The following NR3C1 variants were observed in gnomAD, a reference collection of about 807,000 sequenced individuals.
NR3C1 encodes the protein glucocorticoid receptor.
Under a neutral mutation model 74.0 loss-of-function variants are expected in NR3C1, and 14 were observed. The ratio of observed to expected loss-of-function variants is 0.19; its 90% CI spans 0.12 to 0.30. The LOEUF (loss-of-function observed/expected upper bound fraction) is 0.30, where lower values mean the gene tolerates loss of function less well. Among genes scored for constraint, NR3C1 ranks in the 10% least tolerant of loss-of-function variants. The pLI is 1.00. For synonymous variants in NR3C1, 308 were observed against 332.5 expected (o/e 0.93, Z 0.80); for missense variants, 695 against 909.8 (o/e 0.76, Z 3.04).
chr5:143,298,870 G>A (rs939478489), intron 5 of NR3C1, 58 bp from the exon 6 acceptor site: 2 of 1,578,604 alleles, frequency 1.3e-6, no homozygotes, highest in Non-Finnish European at 1.7e-6. Context: ...ATCTCTGTGG[G>A]AATTGCCAAG....
rs1812761036 is a variant in NR3C1, at chr5:143,279,295, G to A, written c.*2594C>T. ...CATCAGTTGACTTATTATTGACAAC[G>A]AAGTGCACATAATCTTCTTTTTCTC... On this transcript the variant is annotated 3_prime_UTR_variant, in exon 9 of 9. Coordinates refer to ENST00000394464, the MANE Select transcript of NR3C1 (RefSeq NM_000176.3). 6.6e-6 allele frequency: 10 copies of A among 1,515,822 alleles called. No homozygotes were observed. Among genetic ancestry groups the A allele is most frequent in the South Asian group, 2.6e-5 (2 of 77,600 alleles). 93.9% of individuals were successfully genotyped at this position (1,515,822 alleles called of 1,614,324 possible). A position where few individuals can be genotyped will look rare whatever the true frequency, so the allele number is the denominator to read the frequency against.
intron 2 of NR3C1, chr5:143,389,982 A>G (rs1276097485): frequency 2.1e-6 from 2 of 933,536 alleles, no homozygotes; most frequent in East Asian, 1.2e-4. Flanking sequence ...GTTTGCTTTT[A>G]GTACAATTCT....
intron 2 of NR3C1, among the ~76,000 whole-genome samples, chr5:143,328,207 G>A (rs944734859): frequency 7.2e-5 from 11 of 152,204 alleles, no homozygotes; most frequent in South Asian, 2.1e-4. Flanking sequence ...GCAATGGTGC[G>A]AGCTGTAACT....
chr5:143,392,008 C>T lies in NR3C1; in HGVS notation c.1184+7648G>A, dbSNP rs539511901. Reference sequence around the variant, plus strand: ...TGAGACGGAGACTCGCTCTGTCGCCCAGGCTGGAGTGCAGTGGTGCAACCT... The same window carrying T: ...TGAGACGGAGACTCGCTCTGTCGCCTAGGCTGGAGTGCAGTGGTGCAACCT... On this transcript the variant is annotated intron_variant, in intron 2 of 8. Coordinates refer to ENST00000394464, the MANE Select transcript of NR3C1 (RefSeq NM_000176.3). 8.6e-4 allele frequency among the ~76,000 whole-genome samples: 131 copies of T among 152,018 alleles called. 1 individual carries two copies. The highest frequency in any genetic ancestry group is 2.2e-3 in the Admixed American group (33 of 15,278).
At chr5:143,294,849 A>G (rs1433647980) in intron 7 of NR3C1, 3 of 838,934 alleles carry the variant, frequency 3.6e-6, no homozygotes, top group Non-Finnish European at 4.3e-6. Context: ...ATAGTATTCC[A>G]TCATCTGGAT....
chr5:143,349,737 G>T (rs564331020), intron 2 of NR3C1, among the ~76,000 whole-genome samples: 1 of 152,118 alleles, frequency 6.6e-6, no homozygotes, highest in African/African-American at 2.4e-5. Flanking sequence ...TAGGCACTGG[G>T]GTATACCACA....
intron 4 of NR3C1, among the ~76,000 whole-genome samples, chr5:143,301,870 T>A (rs1374891668): frequency 2.6e-5 from 4 of 152,102 alleles, no homozygotes; most frequent in Non-Finnish European, 4.4e-5. Context: ...GTGGGAACGA[T>A]ATCTCAATGT....
chr5:143,435,361 T>C, exon 1 of NR3C1: 13 of 985,496 alleles, frequency 1.3e-5, no homozygotes, highest in Non-Finnish European at 1.6e-5. Context: ...CTCTGCCATT[T>C]AAAGAAGCGT....
chr5:143,388,186 G>C (rs942325460), intron 2 of NR3C1, among the ~76,000 whole-genome samples: 1 of 152,130 alleles, frequency 6.6e-6, no homozygotes, highest in Non-Finnish European at 1.5e-5. Context: ...AATCCATTTC[G>C]AAGTCTTAAA....
At chr5:143,403,187 GCC>G in intron 1 of NR3C1, 22 bp downstream of exon 1, 1 of 984,886 alleles carries the variant, frequency 1.0e-6, no homozygotes, top group Non-Finnish European at 1.2e-6. Context: ...GCGCGCCCCG[GCC>G]CCCTCCCGCC....
intron 2 of NR3C1, among the ~76,000 whole-genome samples, chr5:143,336,996 T>C (rs1561602435): frequency 6.6e-6 from 1 of 151,866 alleles, no homozygotes; most frequent in Non-Finnish European, 1.5e-5. Flanking sequence ...CATACATACA[T>C]ATACATATAT....
chr5:143,392,004 C>T (rs1254583274), intron 2 of NR3C1, among the ~76,000 whole-genome samples: 2 of 151,476 alleles, frequency 1.3e-5, no homozygotes, highest in Non-Finnish European at 2.9e-5. Flanking sequence ...CTCGCTCTGT[C>T]GCCCAGGCTG....
At chr5:143,368,116 G>A (rs1046253659) in intron 2 of NR3C1, among the ~76,000 whole-genome samples, 2 of 152,124 alleles carry the variant, frequency 1.3e-5, no homozygotes, top group South Asian at 2.1e-4. Context: ...ATTTCAACAA[G>A]GTATCAAGAC....
upstream of NR3C1, chr5:143,406,828 A>G (rs1841129866): frequency 6.6e-6 from 1 of 152,226 alleles, no homozygotes; most frequent in Non-Finnish European, 1.5e-5. Context: ...GACTACTTAC[A>G]ATATGTGCTT....
intron 2 of NR3C1, among the ~76,000 whole-genome samples, chr5:143,360,329 T>C (rs1279324221): frequency 6.6e-6 from 1 of 152,250 alleles, no homozygotes; most frequent in East Asian, 1.9e-4. Flanking sequence ...TTAAACTATG[T>C]TTACATTTTT....
At chr5:143,394,478 T>C (rs1296515074) in intron 2 of NR3C1, among the ~76,000 whole-genome samples, 1 of 151,902 alleles carries the variant, frequency 6.6e-6, no homozygotes, top group African/African-American at 2.4e-5. Context: ...CAGTTGACAA[T>C]GGCTGTAAAA....
At chr5:143,342,168 A>T (rs938665789) in intron 2 of NR3C1, among the ~76,000 whole-genome samples, 3 of 152,224 alleles carry the variant, frequency 2.0e-5, no homozygotes, top group African/African-American at 7.2e-5. Flanking sequence ...TTAAGAATTA[A>T]AATTTCTTTC....
chr5:143,429,964 C>T (rs1416339131), intron 1 of NR3C1, among the ~76,000 whole-genome samples: 1 of 151,854 alleles, frequency 6.6e-6, no homozygotes, highest in Admixed American at 6.6e-5. Flanking sequence ...GGCCTGTAAT[C>T]CCTGTTACTC....
chr5:143,371,596 G>A (rs1834241033), intron 2 of NR3C1, among the ~76,000 whole-genome samples: 1 of 152,214 alleles, frequency 6.6e-6, no homozygotes, highest in Non-Finnish European at 1.5e-5. Context: ...CGTGGGCTTG[G>A]CGAGAAGAGC....
Sources: gnomAD v4.1 joint callset for allele counts (sites outside exome capture counted in the v4.1 genomes callset) on GRCh38, gnomAD v4.1.1 for gene constraint, MANE v1.5 for transcripts, NCBI Gene and HGNC (gene_info 2026-07-23, HGNC 2026-07-21) for gene names.